Variants in THSD7B observed in about 807,000 individuals in gnomAD.
THSD7B encodes the protein thrombospondin type-1 domain-containing protein 7B.
THSD7B carries 138 observed loss-of-function variants against 213.6 expected under a neutral mutation model. The observed-to-expected ratio is 0.65, with a 90% CI of 0.56 to 0.74. The LOEUF (loss-of-function observed/expected upper bound fraction) is 0.74. Among genes scored for constraint, THSD7B ranks in the 30% least tolerant of loss-of-function variants. The probability of loss-of-function intolerance (pLI) is 0.00; values close to 1 mark genes in which losing one functional copy is unlikely to be tolerated. For synonymous variants in THSD7B, 742 were observed against 687.0 expected (o/e 1.08, Z -1.25); for missense variants, 1,931 against 1,991.5 (o/e 0.97, Z 0.58).
At chr2:137,299,216 T>G (rs1301257386) in intron 12 of THSD7B, among the ~76,000 whole-genome samples, 1 of 152,140 alleles carries the variant, frequency 6.6e-6, no homozygotes, top group East Asian at 1.9e-4. Context: ...AATTTCAGAC[T>G]TGCATGGACC....
intron 14 of THSD7B, among the ~76,000 whole-genome samples, chr2:137,413,174 G>C (rs1186075307): frequency 6.6e-6 from 1 of 151,920 alleles, no homozygotes; most frequent in African/African-American, 2.4e-5. Flanking sequence ...TCCTAGATTA[G>C]TCTACATTAA....
rs545888798 is a variant in THSD7B, at chr2:137,411,885, A to T, written c.2959+13A>T. The T allele has an allele frequency of 3.7e-6, 6 of 1,613,594 alleles. 1 individual carries two copies. In the South Asian group the frequency reaches 5.5e-5, roughly 15 times the overall value. ...TGCAGCAGCTCTGGTAAGGAGATGG[A>T]TGGAGAGTAACAGATGAGAACACTC... On this transcript the variant is annotated intron_variant, in intron 14 of 27. Coordinates refer to ENST00000409968, the MANE Select transcript of THSD7B (RefSeq NM_001316349.2).
At chr2:137,053,080 A>G (rs1687097575) in intron 2 of THSD7B, among the ~76,000 whole-genome samples, 1 of 152,188 alleles carries the variant, frequency 6.6e-6, no homozygotes, top group African/African-American at 2.4e-5. Context: ...TTACCTCATA[A>G]GAGCCACTAT....
At chr2:137,209,203 G>T (rs2105031687) in intron 7 of THSD7B, among the ~76,000 whole-genome samples, 1 of 152,134 alleles carries the variant, frequency 6.6e-6, no homozygotes, top group South Asian at 2.1e-4. Flanking sequence ...TGCAAAGGTG[G>T]TTTCAATTGC....
At chr2:137,605,469 CT>C (rs1401989146) in intron 17 of THSD7B, among the ~76,000 whole-genome samples, 1 of 151,942 alleles carries the variant, frequency 6.6e-6, no homozygotes, top group Non-Finnish European at 1.5e-5. Context: ...CTAATATTAA[CT>C]ACCTGCTATG....
At chr2:137,473,384 A>G (rs1573645917) in intron 15 of THSD7B, among the ~76,000 whole-genome samples, 1 of 151,742 alleles carries the variant, frequency 6.6e-6, no homozygotes, top group African/African-American at 2.4e-5. Flanking sequence ...AATTTTTTGT[A>G]TTTTTAGTAG....
intron 16 of THSD7B, among the ~76,000 whole-genome samples, chr2:137,568,292 G>A (rs1032765858): frequency 1.3e-5 from 2 of 152,084 alleles, no homozygotes. Flanking sequence ...GTAAAAGTGA[G>A]GTGATGACTG....
intron 4 of THSD7B, among the ~76,000 whole-genome samples, chr2:137,103,988 A>G (rs1688198852): frequency 6.6e-6 from 1 of 152,214 alleles, no homozygotes; most frequent in South Asian, 2.1e-4. Context: ...CAGAAAATTA[A>G]CAAGGATATT....
chr2:137,454,581 A>G (rs1687726146), intron 15 of THSD7B, among the ~76,000 whole-genome samples: 1 of 152,148 alleles, frequency 6.6e-6, no homozygotes, highest in African/African-American at 2.4e-5. Flanking sequence ...TATACTGTAC[A>G]TAGAGCTTTG....
chr2:137,411,559 A>T (rs1328943268), intron 13 of THSD7B, 50 bp from the exon 14 acceptor site: 2 of 1,523,698 alleles, frequency 1.3e-6, no homozygotes, highest in East Asian at 4.5e-5. Context: ...GTGACTTTTA[A>T]CAAAACAGCA....
Position 137,012,114 on chromosome 2 carries a change from C to T in THSD7B, c.140-44306C>T, listed in dbSNP as rs181615798. Among the ~76,000 whole-genome samples the T allele has an allele frequency of 1.2e-4, 18 of 152,300 alleles. No individual in the cohort carries two copies. In the East Asian group the frequency reaches 3.3e-3, roughly 28 times the overall value. ...TAAATAACACAAACAGTATAATCTTCACAACAATCAATCATTTTGGAAAAT... is the reference window on the plus strand; with the variant it reads ...TAAATAACACAAACAGTATAATCTTTACAACAATCAATCATTTTGGAAAAT... On this transcript the variant is annotated intron_variant, in intron 2 of 27. Transcript: ENST00000409968.
chr2:137,473,448 T>G (rs916682939), intron 15 of THSD7B, among the ~76,000 whole-genome samples: 4 of 152,066 alleles, frequency 2.6e-5, no homozygotes, highest in Non-Finnish European at 1.5e-5. Context: ...GACCTCATGA[T>G]CCGCCCGCCT....
chr2:137,213,698 A>G (rs1259020991), intron 7 of THSD7B, among the ~76,000 whole-genome samples: 4 of 152,046 alleles, frequency 2.6e-5, no homozygotes, highest in Non-Finnish European at 5.9e-5. Context: ...ACAGACATCA[A>G]TAAACCTGTT....
At chr2:137,471,614 T>C (rs1688097118) in intron 15 of THSD7B, among the ~76,000 whole-genome samples, 1 of 151,968 alleles carries the variant, frequency 6.6e-6, no homozygotes, top group Middle Eastern at 3.2e-3. Flanking sequence ...GGTCATCACA[T>C]GGGAAGAGGG....
chr2:136,958,981 T>G (rs1216246963), intron 2 of THSD7B, among the ~76,000 whole-genome samples: 1 of 152,108 alleles, frequency 6.6e-6, no homozygotes, highest in Non-Finnish European at 1.5e-5. Context: ...GTAATGGTGA[T>G]GGAGGTGCTG....
intron 12 of THSD7B, among the ~76,000 whole-genome samples, chr2:137,330,880 G>C (rs569238244): frequency 3.2e-4 from 48 of 152,290 alleles, no homozygotes; most frequent in African/African-American, 1.1e-3. Flanking sequence ...TGGTAGAGCC[G>C]AGTGGTCTGT....
At chr2:136,837,379 G>A (rs1176898824) in intron 1 of THSD7B, among the ~76,000 whole-genome samples, 3 of 152,010 alleles carry the variant, frequency 2.0e-5, no homozygotes, top group Non-Finnish European at 4.4e-5. Flanking sequence ...CCATCTCAGG[G>A]CCTCTGTTCC....
chr2:136,948,318 C>T (rs763946797), intron 2 of THSD7B, among the ~76,000 whole-genome samples: 1 of 152,070 alleles, frequency 6.6e-6, no homozygotes, highest in Non-Finnish European at 1.5e-5. Flanking sequence ...CAGGCAAGGC[C>T]CTTACAATTT....
At chr2:137,086,834 A>C (rs1312115607) in intron 3 of THSD7B, among the ~76,000 whole-genome samples, 1 of 152,214 alleles carries the variant, frequency 6.6e-6, no homozygotes, top group African/African-American at 2.4e-5. Context: ...AAAAGAAAAA[A>C]TTTGACAATA....
Sources: allele counts gnomAD v4.1 joint callset (sites outside exome capture counted in the v4.1 genomes callset), GRCh38; gene constraint gnomAD v4.1.1; transcripts MANE v1.5; gene names NCBI Gene and HGNC (gene_info 2026-07-23, HGNC 2026-07-21).